The following CACNA1G variants were observed in gnomAD, a reference collection of about 807,000 sequenced individuals.
The protein encoded by CACNA1G is calcium voltage-gated channel subunit alpha1 G.
Under a neutral mutation model 219.4 loss-of-function variants are expected in CACNA1G, and 67 were observed. The ratio of observed to expected loss-of-function variants is 0.31; its 90% confidence interval spans 0.25 to 0.37. The LOEUF is 0.37. CACNA1G is among the 10% of genes least tolerant of loss of function. CACNA1G has a pLI of 1.00. For synonymous variants in CACNA1G, 1,296 were observed against 1,345.3 expected, an observed-to-expected ratio of 0.96 and a Z score of 0.80; for missense variants, 2,380 against 3,231.4, an observed-to-expected ratio of 0.74 and a Z score of 6.39.
At chr17:50,589,782 C>T (rs1457120501) in intron 9 of CACNA1G, among the ~76,000 whole-genome samples, 2 of 152,132 alleles carry the variant, frequency 1.3e-5, no homozygotes, top group African/African-American at 2.4e-5. Flanking sequence ...CCGGGTGTCC[C>T]GGGCTCAGGC....
chr17:50,575,947 C>A lies in CACNA1G; in HGVS notation c.1545C>A (p.Pro515=). ...YHLGNGTLRA[P]RASPEIQDRD... is the part of the protein sequence containing the mutation. ...TGGGCAATGGGACGCTCAGGGCCCC[C>A]CGGGCCAGCCCGGAGATCCAGGACA... Residue 515 remains proline (P), a synonymous_variant, in exon 8 of 38, where the codon CCC becomes CCA. Transcript: ENST00000359106. 6.4e-7 allele frequency: 1 copy of A among 1,551,742 alleles called. No homozygotes were observed. Among genetic ancestry groups the A allele is most frequent in the Non-Finnish European group, 8.7e-7 (1 of 1,148,000 alleles).
intron 16 of CACNA1G, among the ~76,000 whole-genome samples, chr17:50,597,218 G>A (rs1388828665): frequency 6.6e-6 from 1 of 152,196 alleles, no homozygotes; most frequent in African/African-American, 2.4e-5. Context: ...GAGGTGGGGT[G>A]TCCATACCTC....
In CACNA1G at chr17:50,561,438, C is replaced by CG; in HGVS notation, c.-18dup. 1 of 1,533,450 alleles carries CG rather than the reference C, an allele frequency of 6.5e-7. No individual in the cohort carries two copies. The highest frequency in any genetic ancestry group is 8.7e-7 in the Non-Finnish European group (1 of 1,146,430). The allele number at this position is 1,533,450 out of a possible 1,614,324, so 95.0% of individuals were successfully genotyped here. A position where few individuals can be genotyped will look rare whatever the true frequency, so the allele number is the denominator to read the frequency against. On this transcript the variant is annotated 5_prime_UTR_variant, in exon 1 of 38. Transcript: ENST00000359106. The stretch of plus-strand genomic sequence containing the variant: ...GCCGCTTGCCCCTCTCCGGATCGCC[C>CG]GGGGCCCCGGCTGGCCAGAGGATGG...
chr17:50,575,132 G>A (rs904185044), intron 7 of CACNA1G, among the ~76,000 whole-genome samples: 12 of 152,190 alleles, frequency 7.9e-5, no homozygotes, highest in African/African-American at 2.4e-4. Flanking sequence ...CTAATATTGC[G>A]TTCATTTCCA....
chr17:50,615,220 C>A, intron 26 of CACNA1G, 141 bp from the exon 27 acceptor site: 1 of 797,782 alleles, frequency 1.3e-6, no homozygotes, highest in South Asian at 2.7e-5. Context: ...CAAGGGGCAG[C>A]GTGGGGAGGG....
chr17:50,582,277 C>T (rs1349201229), intron 9 of CACNA1G, among the ~76,000 whole-genome samples: 1 of 152,190 alleles, frequency 6.6e-6, no homozygotes, highest in African/African-American at 2.4e-5. Flanking sequence ...AGGACATAGC[C>T]AGTGAAGGTG....
rs906593766 is a variant in CACNA1G at position 50,600,319 on chromosome 17, T to G, written c.3691-407T>G. ...GTGCAGTGACCTCAGGGTTAGCATG[T>G]GAAGAGCAGGGCCAGTGTCTCCTCA... On this transcript the variant is annotated intron_variant, in intron 17 of 37. Coordinates refer to ENST00000359106, the MANE Select transcript of CACNA1G (RefSeq NM_018896.5). This position sits in a 1 kb window ranked among gnomAD's most constrained non-coding sequence, Gnocchi z 4.1. Among the ~76,000 whole-genome samples the G allele has an allele frequency of 6.6e-6, 1 of 152,064 alleles. No homozygotes were observed. Among genetic ancestry groups the G allele is most frequent in the African/African-American group, 2.4e-5 (1 of 41,384 alleles).
chr17:50,579,569 TGGAAAA>T (rs1310105827), intron 9 of CACNA1G, among the ~76,000 whole-genome samples: 1 of 151,992 alleles, frequency 6.6e-6, no homozygotes, highest in Non-Finnish European at 1.5e-5. Flanking sequence ...GGCTGATTCT[TGGAAAA>T]GGAGAGAGGC....
Position 50,603,310 on chromosome 17 carries a change from T to G in CACNA1G, c.4169+111T>G, listed in dbSNP as rs1028832621. On this transcript the variant is annotated intron_variant, in intron 21 of 37. Transcript: ENST00000359106. This position sits in a 1 kb window ranked among gnomAD's most constrained non-coding sequence, Gnocchi z 6.4. ...AAACAAAAGCCTGCACAGGCCAGCA[T>G]CCTGTCTGTGACCCCCACAGGCGAT... 71 of 922,052 alleles carry G rather than the reference T, an allele frequency of 7.7e-5. No homozygotes were observed. The highest frequency in any genetic ancestry group is 5.3e-4 in the Admixed American group (23 of 43,476). 57.1% of individuals were successfully genotyped at this position (922,052 alleles called of 1,614,324 possible).
intron 33 of CACNA1G, 102 bp downstream of exon 33, chr17:50,619,110 C>T: frequency 1.1e-6 from 1 of 905,572 alleles, no homozygotes; most frequent in East Asian, 2.7e-5. Context: ...ACCCTAGGCT[C>T]CTCCTGGAGG....
intron 26 of CACNA1G, among the ~76,000 whole-genome samples, chr17:50,614,611 T>A (rs2050022296): frequency 6.6e-6 from 1 of 152,324 alleles, no homozygotes; most frequent in South Asian, 2.1e-4. Context: ...CTCTGACAGA[T>A]CTCAGACAGT....
rs372309945 is a variant in CACNA1G at position 50,572,673 on chromosome 17, G to T, written c.866G>T (p.Arg289Leu). The change falls in exon 6 of 38, where the codon CGC becomes CTC. Residue 289 changes from arginine (R) to leucine (L), a missense_variant. Arg to Leu is a moderately radical substitution (Grantham distance 102, BLOSUM62 -2). Around this residue, in one of 17 missense-constraint regions of CACNA1G, gnomAD observed 68 missense variants for 85.3 expected, o/e 0.80. Transcript: ENST00000359106. The part of the protein sequence containing the change: ...MRSCRSVPTL[R>L]GDGGGGPPCG... Reference sequence around the variant, plus strand: ...TCCTGCAGAAGCGTGCCCACGCTGCGCGGGGACGGGGGCGGTGGCCCACCT... The same window carrying T: ...TCCTGCAGAAGCGTGCCCACGCTGCTCGGGGACGGGGGCGGTGGCCCACCT... The T allele has an allele frequency of 6.2e-7, 1 of 1,611,358 alleles. No homozygotes were observed. The highest frequency in any genetic ancestry group is 1.7e-5 in the Admixed American group (1 of 59,442).
At position 50,569,157 on chromosome 17, in the gene CACNA1G, C is replaced by T; in HGVS notation, c.355-8C>T. The T allele has an allele frequency of 6.2e-7, 1 of 1,612,960 alleles. No individual in the cohort carries two copies. Among genetic ancestry groups the T allele is most frequent in the Non-Finnish European group, 8.5e-7 (1 of 1,179,250 alleles). ...CTCAGTTTCAGCCACCTCTTGTCCC[C>T]ACATCAGGCCTTTGATGACTTCATC... On this transcript the variant is annotated splice_polypyrimidine_tract_variant and splice_region_variant and intron_variant, in intron 2 of 37. Coordinates refer to ENST00000359106, the MANE Select transcript of CACNA1G (RefSeq NM_018896.5).
chr17:50,599,640 C>A lies in CACNA1G; in HGVS notation c.3471C>A (p.Asp1157Glu), dbSNP rs892848149. 1.2e-6 allele frequency: 2 copies of A among 1,612,844 alleles called. No homozygotes were observed. Among genetic ancestry groups the A allele is most frequent in the African/African-American group, 2.7e-5 (2 of 74,930 alleles). Reference sequence around the variant, plus strand: ...AGCGGGCCAGCCCTGCGGGCAGTGACCATCGCCACAGGGGGTCCCTGGAGC... The same window carrying A: ...AGCGGGCCAGCCCTGCGGGCAGTGAACATCGCCACAGGGGGTCCCTGGAGC... ...EEERASPAGS[D>E]HRHRGSLERE... Residue 1157 changes from aspartate (D) to glutamate (E), a missense_variant, in exon 17 of 38, where the codon GAC (aspartate) becomes GAA (glutamate). Physicochemically the swap from Asp to Glu is conservative, Grantham distance 45. Around this residue, in one of 17 missense-constraint regions of CACNA1G, gnomAD observed 418 missense variants for 434.3 expected, o/e 0.96. Transcript: ENST00000359106.
chr17:50,602,414 C>A (rs917870752), intron 19 of CACNA1G, among the ~76,000 whole-genome samples: 3 of 152,216 alleles, frequency 2.0e-5, no homozygotes, highest in African/African-American at 7.2e-5. Flanking sequence ...CTGGGGTGCA[C>A]AGCAGGAAAG....
At chr17:50,577,039 G>T (rs1393463972) in intron 8 of CACNA1G, among the ~76,000 whole-genome samples, 1 of 152,212 alleles carries the variant, frequency 6.6e-6, no homozygotes, top group African/African-American at 2.4e-5. Flanking sequence ...GATGTGGCAC[G>T]TGGGGAGCAG....
At chr17:50,570,085 C>A (rs1213011455) in intron 4 of CACNA1G, among the ~76,000 whole-genome samples, 1 of 152,184 alleles carries the variant, frequency 6.6e-6, no homozygotes, top group African/African-American at 2.4e-5. Flanking sequence ...ACCACTCCCC[C>A]CAGGAGGATA....
chr17:50,592,970 AG>A (rs1473207211), intron 13 of CACNA1G, among the ~76,000 whole-genome samples: 5 of 152,178 alleles, frequency 3.3e-5, no homozygotes, highest in Non-Finnish European at 7.3e-5. Context: ...CTTTCAAGGG[AG>A]GGCTTTTCCC....
intron 8 of CACNA1G, among the ~76,000 whole-genome samples, chr17:50,576,784 C>T (rs146023911): frequency 5.3e-5 from 8 of 152,326 alleles, no homozygotes; most frequent in African/African-American, 1.2e-4. Flanking sequence ...ACTCGGGGCC[C>T]GCACTCGGGA....
Sources: gnomAD v4.1 joint callset for allele counts (sites outside exome capture counted in the v4.1 genomes callset) on GRCh38, gnomAD v4.1.1 for gene constraint, gnomAD v4.1.1 regional missense constraint, Gnocchi (gnomAD v3.1) non-coding constraint, MANE v1.5 for transcripts, NCBI Gene and HGNC (gene_info 2026-07-23, HGNC 2026-07-21) for gene names.